CORO2A: variants seen among roughly 807,000 people sequenced by gnomAD.
CORO2A encodes the protein coronin 2A.
CORO2A carries 47 observed loss-of-function variants against 62.4 expected under a neutral mutation model. The ratio of observed to expected loss-of-function variants is 0.75; its 90% CI spans 0.60 to 0.96. The LOEUF (loss-of-function observed/expected upper bound fraction) is 0.96, where lower values mean the gene tolerates loss of function less well. CORO2A is among the 40% of genes least tolerant of loss of function. The pLI is 0.00. For synonymous variants in CORO2A, 273 were observed against 268.9 expected, an observed-to-expected ratio of 1.02 and a Z score of -0.15; for missense variants, 610 against 684.1, an observed-to-expected ratio of 0.89 and a Z score of 1.21.
intron 2 of CORO2A, among the ~76,000 whole-genome samples, chr9:98,140,232 C>T (rs1353190308): frequency 1.3e-5 from 2 of 152,178 alleles, no homozygotes; most frequent in Non-Finnish European, 2.9e-5. Context: ...AACATCCATC[C>T]ATCCCACAAA....
chr9:98,133,499 C>A (rs932571471), intron 4 of CORO2A, among the ~76,000 whole-genome samples: 3 of 152,172 alleles, frequency 2.0e-5, no homozygotes, highest in African/African-American at 7.2e-5. Flanking sequence ...ACCAGCTAAT[C>A]CAGGCGGTTT....
intron 9 of CORO2A, 151 bp from the exon 10 acceptor site, chr9:98,128,411 G>A (rs1029061993): frequency 1.7e-5 from 13 of 786,786 alleles, no homozygotes; most frequent in African/African-American, 5.2e-5. Context: ...CCGAGGTCAC[G>A]CAGCAGCTCA....
chr9:98,171,140 G>T (rs1235092205), intron 1 of CORO2A, among the ~76,000 whole-genome samples: 1 of 152,212 alleles, frequency 6.6e-6, no homozygotes, highest in African/African-American at 2.4e-5. Context: ...AAATCTGGCA[G>T]CTCCACTCCC....
At chr9:98,127,234 C>T (rs1827334400) in intron 10 of CORO2A, among the ~76,000 whole-genome samples, 1 of 152,196 alleles carries the variant, frequency 6.6e-6, no homozygotes, top group African/African-American at 2.4e-5. Context: ...GAAACTGAGG[C>T]CCAGGGAGCA....
At chr9:98,166,603 T>C (rs1364403196) in intron 1 of CORO2A, among the ~76,000 whole-genome samples, 1 of 152,202 alleles carries the variant, frequency 6.6e-6, no homozygotes, top group Non-Finnish European at 1.5e-5. Flanking sequence ...TGAAAGATAG[T>C]ACGGCAGTTC....
intron 11 of CORO2A, 112 bp from the exon 12 acceptor site, chr9:98,125,017 G>T: frequency 8.1e-7 from 1 of 1,229,438 alleles, no homozygotes; most frequent in Non-Finnish European, 1.1e-6. Flanking sequence ...CATTAACATG[G>T]CTGAGGCCTG....
intron 1 of CORO2A, among the ~76,000 whole-genome samples, chr9:98,185,152 G>A (rs564051631): frequency 1.3e-5 from 2 of 152,256 alleles, no homozygotes; most frequent in South Asian, 4.1e-4. Flanking sequence ...CCTCTAGGGA[G>A]CCTTCCATGA....
intron 2 of CORO2A, among the ~76,000 whole-genome samples, chr9:98,156,212 G>A (rs553839229): frequency 6.6e-6 from 1 of 151,872 alleles, no homozygotes; most frequent in South Asian, 2.1e-4. Flanking sequence ...GTTAATTTTT[G>A]TATTTTTTGT....
intron 6 of CORO2A, among the ~76,000 whole-genome samples, chr9:98,131,695 TGAA>T (rs901444478): frequency 6.6e-6 from 1 of 152,192 alleles, no homozygotes; most frequent in Non-Finnish European, 1.5e-5. Flanking sequence ...TTTTAATAGA[TGAA>T]GAAGGAGACT....
In CORO2A at chr9:98,124,922, G is replaced by A. The variant is rs776772839; in HGVS notation, c.1447-17C>T. ...CTGCAGCAACTGGGGAAGAAAGATCGGAAGGCAGGATCACCATGGTGTCAG... is the reference window on the plus strand; with the variant it reads ...CTGCAGCAACTGGGGAAGAAAGATCAGAAGGCAGGATCACCATGGTGTCAG... On this transcript the variant is annotated splice_polypyrimidine_tract_variant and intron_variant, in intron 11 of 11. Transcript: ENST00000375077. 6.9e-5 allele frequency: 107 copies of A among 1,554,368 alleles called. No individual in the cohort carries two copies. The highest frequency in any genetic ancestry group is 8.5e-5 in the Non-Finnish European group (98 of 1,148,030).
intron 1 of CORO2A, among the ~76,000 whole-genome samples, chr9:98,190,009 C>T (rs536181770): frequency 8.6e-4 from 131 of 152,242 alleles, no homozygotes; most frequent in African/African-American, 3.0e-3. Context: ...CTCAGCCTCC[C>T]GAGTAGCTGG....
intron 2 of CORO2A, among the ~76,000 whole-genome samples, chr9:98,146,592 T>C (rs898195004): frequency 2.6e-5 from 4 of 152,212 alleles, no homozygotes; most frequent in African/African-American, 9.7e-5. Context: ...CTCACATCAC[T>C]CACCTACTGA....
intron 2 of CORO2A, among the ~76,000 whole-genome samples, chr9:98,155,426 A>T (rs1827789555): frequency 6.9e-6 from 1 of 145,334 alleles, no homozygotes; most frequent in Admixed American, 7.2e-5. Context: ...AGCTCACTGC[A>T]ACCTCTGCCT....
intron 1 of CORO2A, among the ~76,000 whole-genome samples, chr9:98,185,628 G>A (rs1828229705): frequency 1.3e-5 from 2 of 152,176 alleles, no homozygotes; most frequent in Non-Finnish European, 2.9e-5. Flanking sequence ...TGTCTGCAGT[G>A]GGCTCAATTC....
rs763082082 is a variant in CORO2A, at chr9:98,144,862, C to CTCTA, written c.202-7175_202-7174insTAGA. ...GGCTGAGGGCATGGAGTCTACTCAC[C>CTCTA]CTGCCCAGGGTGCAAGGCTGGACCC... On this transcript the variant is annotated intron_variant, in intron 2 of 11. Coordinates refer to ENST00000375077, the MANE Select transcript of CORO2A (RefSeq NM_052820.4). 3.9e-5 allele frequency among the ~76,000 whole-genome samples: 6 copies of CTCTA among 152,020 alleles called. No individual in the cohort carries two copies. In the East Asian group the frequency reaches 1.2e-3, roughly 30 times the overall value.
At chr9:98,148,940 G>A (rs1827685997) in intron 2 of CORO2A, among the ~76,000 whole-genome samples, 1 of 152,130 alleles carries the variant, frequency 6.6e-6, no homozygotes, top group Non-Finnish European at 1.5e-5. Context: ...TTCCTAAAAC[G>A]GGAAAAGTAT....
chr9:98,186,868 C>G (rs1564222049), intron 1 of CORO2A, among the ~76,000 whole-genome samples: 1 of 152,146 alleles, frequency 6.6e-6, no homozygotes, highest in Admixed American at 6.6e-5. Flanking sequence ...CAACCTCTCC[C>G]CTAGCACTGA....
At chr9:98,162,323 T>C (rs149782247) in intron 1 of CORO2A, among the ~76,000 whole-genome samples, 184 of 152,248 alleles carry the variant, frequency 1.2e-3, no homozygotes, top group African/African-American at 4.2e-3. Flanking sequence ...CATGATCACT[T>C]CCACTCTACA....
rs1827256598 is a variant in CORO2A, at chr9:98,122,532, A to G, written c.*2242T>C. On this transcript the variant is annotated 3_prime_UTR_variant, in exon 12 of 12. Transcript: ENST00000375077. ...CTAATCATTCCCAGTCTCTTGGTGG[A>G]CTATTGTATTGACCACTGAACTTTA... is the stretch of plus-strand genomic sequence containing the variant. The G allele has an allele frequency of 6.6e-6, 1 of 152,150 alleles. No individual in the cohort carries two copies. The highest frequency in any genetic ancestry group is 2.1e-4 in the South Asian group (1 of 4,830). 9.4% of individuals were successfully genotyped at this position (152,150 alleles called of 1,614,324 possible).
Sources: gnomAD v4.1 joint callset for allele counts (sites outside exome capture counted in the v4.1 genomes callset) on GRCh38, gnomAD v4.1.1 for gene constraint, MANE v1.5 for transcripts, NCBI Gene and HGNC (gene_info 2026-07-23, HGNC 2026-07-21) for gene names.